RC3H1: variants seen among roughly 807,000 people sequenced by gnomAD.
RC3H1 encodes the protein ring finger and CCCH-type domains 1, also known as roquin-1.
Under a neutral mutation model 138.2 loss-of-function variants are expected in RC3H1, and 50 were observed. The ratio of observed to expected loss-of-function variants is 0.36; its 90% CI spans 0.29 to 0.46. RC3H1 has a LOEUF of 0.46. Among genes scored for constraint, RC3H1 ranks in the 20% least tolerant of loss-of-function variants. The probability of loss-of-function intolerance (pLI) is 1.00; values close to 1 mark genes in which losing one functional copy is unlikely to be tolerated. For missense variants in RC3H1, 1,031 were observed against 1,388.1 expected, an observed-to-expected ratio of 0.74 and a Z score of 4.09; for synonymous variants, 462 against 489.1, an observed-to-expected ratio of 0.94 and a Z score of 0.73.
chr1:174,018,216 G>C (rs770884421), intron 1 of RC3H1, among the ~76,000 whole-genome samples: 15 of 151,142 alleles, frequency 9.9e-5, no homozygotes, highest in Non-Finnish European at 1.8e-4. Context: ...TTGCTAAAAT[G>C]CTTGATAACT....
intron 19 of RC3H1, among the ~76,000 whole-genome samples, chr1:173,939,523 T>A (rs1658743540): frequency 1.6e-5 from 2 of 121,404 alleles, no homozygotes; most frequent in Admixed American, 8.7e-5. Flanking sequence ...AGAATGAGAT[T>A]TTATCAAAAA....
At chr1:174,004,466 T>G (rs1440265794) in intron 1 of RC3H1, among the ~76,000 whole-genome samples, 1 of 152,026 alleles carries the variant, frequency 6.6e-6, no homozygotes, top group Non-Finnish European at 1.5e-5. Flanking sequence ...CTATATAGGT[T>G]AGCAAATCAA....
Position 173,983,761 on chromosome 1 carries a change from G to A in RC3H1, c.353-104C>T, listed in dbSNP as rs1571221680. On this transcript the variant is annotated intron_variant, in intron 3 of 19. Transcript: ENST00000367696. ...CTTGTGGGTATGTGACTAGTTCTGG[G>A]ACTACTAGAGTATTTAAAATAAGCA... is the stretch of plus-strand genomic sequence containing the variant. The A allele has an allele frequency of 2.8e-6, 3 of 1,072,028 alleles. No homozygotes were observed. In the East Asian group the frequency reaches 7.1e-5, roughly 26 times the overall value. The allele number at this position is 1,072,028 out of a possible 1,614,324, so 66.4% of individuals were successfully genotyped here.
rs1180953714 is a variant in RC3H1 at position 173,947,524 on chromosome 1, T to G, written c.2582A>C (p.Glu861Ala). Reference protein sequence around the residue: ...QRLDLQRRAAETSDDDLIPFG... With the variant: ...QRLDLQRRAAATSDDDLIPFG... ...TGGGATGAGGTCATCATCACTGGTTTCTGCTGCTCTTCTCTGAAGATCTAA... is the reference window on the plus strand; with the variant it reads ...TGGGATGAGGTCATCATCACTGGTTGCTGCTGCTCTTCTCTGAAGATCTAA... Residue 861 changes from glutamate to alanine, a missense_variant, in exon 15 of 20, where the codon GAA (glutamate) becomes GCA (alanine). By Grantham distance (107) the Glu-to-Ala change is moderately radical (BLOSUM62 -1). Coordinates refer to ENST00000367696, the MANE Select transcript of RC3H1 (RefSeq NM_172071.4). 5.6e-6 allele frequency: 9 copies of G among 1,614,030 alleles called. No homozygotes were observed. The South Asian group carries it at 9.9e-5, about 18-fold the overall frequency.
chr1:173,945,310 G>A (rs541612091), intron 17 of RC3H1, among the ~76,000 whole-genome samples: 17 of 152,190 alleles, frequency 1.1e-4, no homozygotes, highest in African/African-American at 3.4e-4. Context: ...ACTTTTTGTA[G>A]TGAAGGGATT....
intron 1 of RC3H1, among the ~76,000 whole-genome samples, chr1:174,015,368 C>CTT (rs113565337): frequency 0.095 from 13,526 of 142,678 alleles, 827 homozygotes; most frequent in East Asian, 0.22. Context: ...TTCCACTACA[C>CTT]TTTTTTTTTT....
chr1:174,010,451 G>A (rs1329595094), intron 1 of RC3H1, among the ~76,000 whole-genome samples: 2 of 152,012 alleles, frequency 1.3e-5, no homozygotes, highest in Non-Finnish European at 2.9e-5. Flanking sequence ...GTCTCACTCT[G>A]TCACCCAGGC....
At chr1:173,976,477 T>C (rs1291034948) in intron 7 of RC3H1, among the ~76,000 whole-genome samples, 4 of 151,240 alleles carry the variant, frequency 2.6e-5, no homozygotes, top group Non-Finnish European at 4.4e-5. Flanking sequence ...AGTTAAATGC[T>C]GCTAAATCAA....
intron 11 of RC3H1, among the ~76,000 whole-genome samples, chr1:173,963,635 G>A (rs376800511): frequency 3.3e-5 from 5 of 151,950 alleles, no homozygotes; most frequent in African/African-American, 1.2e-4. Flanking sequence ...CTTTTTTCAT[G>A]CTTGAAGAAA....
chr1:173,956,235 T>C (rs909153656), intron 13 of RC3H1, among the ~76,000 whole-genome samples: 2 of 152,118 alleles, frequency 1.3e-5, no homozygotes, highest in African/African-American at 2.4e-5. Context: ...TGAAACTCTC[T>C]GGAAGCATCC....
Position 173,982,784 on chromosome 1 carries a change from G to A in RC3H1, c.711C>T (p.Ala237=). ...VQRLEPRFPQ[A]SKTSIGHVVQ... ...CAACATGCCCAATGCTAGTTTTAGA[G>A]GCTTGAGGAAACCGTGGCTCCAATC... is the stretch of plus-strand genomic sequence containing the variant. Residue 237 remains alanine (A), a synonymous_variant, in exon 5 of 20, where the codon GCC becomes GCT. Coordinates refer to ENST00000367696, the MANE Select transcript of RC3H1 (RefSeq NM_172071.4). 1 of 1,613,800 alleles carries A rather than the reference G, an allele frequency of 6.2e-7. No individual in the cohort carries two copies. Among genetic ancestry groups the A allele is most frequent in the South Asian group, 1.1e-5 (1 of 91,048 alleles).
intron 17 of RC3H1, among the ~76,000 whole-genome samples, chr1:173,945,490 A>C (rs1038690742): frequency 6.6e-6 from 1 of 152,140 alleles, no homozygotes; most frequent in Admixed American, 6.5e-5. Context: ...AAGAACACTG[A>C]ATCTGGAGTA....
At chr1:173,994,913 TA>T (rs1054094043) in intron 1 of RC3H1, among the ~76,000 whole-genome samples, 1 of 151,172 alleles carries the variant, frequency 6.6e-6, no homozygotes, top group Non-Finnish European at 1.5e-5. Flanking sequence ...GTACTAACGA[TA>T]AAAAAAAGAT....
chr1:173,958,762 A>G (rs1419583835), intron 13 of RC3H1, among the ~76,000 whole-genome samples: 2 of 151,710 alleles, frequency 1.3e-5, no homozygotes. Context: ...AATTATGGTT[A>G]TTGCCCTGTG....
intron 14 of RC3H1, among the ~76,000 whole-genome samples, chr1:173,948,427 T>TAA (rs1322526962): frequency 2.0e-5 from 3 of 147,576 alleles, no homozygotes; most frequent in Admixed American, 6.7e-5. Flanking sequence ...TATATATATA[T>TAA]AATGACCTAG....
At chr1:173,987,216 C>T (rs939233204) in intron 2 of RC3H1, among the ~76,000 whole-genome samples, 25 of 152,158 alleles carry the variant, frequency 1.6e-4, no homozygotes, top group African/African-American at 5.8e-4. Flanking sequence ...AGTCACTATG[C>T]GTAGCCCACA....
chr1:173,978,567 G>A lies in RC3H1; in HGVS notation c.1023C>T (p.Leu341=), dbSNP rs2102996249. ...AQSVQELTIA[L]QRTGDPANLN... is the part of the protein sequence containing the mutation. ...AGTTTGCTGGGTCTCCAGTTCGCTG[G>A]AGAGCAATTGTTAGTTCCTGAACAC... Residue 341 remains leucine, a synonymous_variant, in exon 7 of 20, where the codon CTC becomes CTT. Coordinates refer to ENST00000367696, the MANE Select transcript of RC3H1 (RefSeq NM_172071.4). 1 of 1,614,064 alleles carries A rather than the reference G, an allele frequency of 6.2e-7. No homozygotes were observed. Among genetic ancestry groups the A allele is most frequent in the South Asian group, 1.1e-5 (1 of 91,070 alleles).
intron 2 of RC3H1, 38 bp downstream of exon 2, chr1:173,992,716 AG>A: frequency 7.0e-7 from 1 of 1,419,582 alleles, no homozygotes; most frequent in Non-Finnish European, 9.9e-7. Context: ...AGAGAGAGAG[AG>A]AGGGAGAAAT....
chr1:173,998,256 T>C (rs1382249639), intron 1 of RC3H1, among the ~76,000 whole-genome samples: 3 of 152,166 alleles, frequency 2.0e-5, no homozygotes, highest in African/African-American at 7.2e-5. Context: ...TTAGGAGTAT[T>C]TCTATTGGAA....
Sources: gnomAD v4.1 joint callset for allele counts (sites outside exome capture counted in the v4.1 genomes callset) on GRCh38, gnomAD v4.1.1 for gene constraint, MANE v1.5 for transcripts, NCBI Gene and HGNC (gene_info 2026-07-23, HGNC 2026-07-21) for gene names.